Variants in EPHB2 observed in about 807,000 individuals in gnomAD.
EPHB2 encodes EPH receptor B2.
Under a neutral mutation model 96.4 loss-of-function variants are expected in EPHB2, and 18 were observed. The ratio of observed to expected loss-of-function variants is 0.19; its 90% CI spans 0.13 to 0.28. The LOEUF is 0.28. Ranked by LOEUF, EPHB2 falls within the 10% of genes least tolerant of loss-of-function variation. The pLI, the probability that EPHB2 is intolerant of heterozygous loss-of-function variation, is 1.00. For synonymous variants in EPHB2, 506 were observed against 534.1 expected (o/e 0.95, Z 0.72); for missense variants, 989 against 1,355.4 (o/e 0.73, Z 4.25).
chr1:22,781,509 T>A (rs200264749), intron 2 of EPHB2, 24 bp downstream of exon 2: 144 of 1,613,002 alleles, frequency 8.9e-5, no homozygotes, highest in Non-Finnish European at 1.2e-4. Flanking sequence ...CCCCAAACCT[T>A]GCATTGGTCC....
Position 22,802,263 on chromosome 1 carries a change from A to C in EPHB2, c.811+17187A>C, listed in dbSNP as rs554879959. Among the ~76,000 whole-genome samples the C allele has an allele frequency of 1.1e-4, 17 of 152,062 alleles. No homozygotes were observed. In the East Asian group the frequency reaches 3.1e-3, roughly 28 times the overall value. ...TCCCCATTTGAGGGTTGGAGGGTAGAGCTGGCAGCCAAGCTCAGCTGTGTC... is the reference window on the plus strand; with the variant it reads ...TCCCCATTTGAGGGTTGGAGGGTAGCGCTGGCAGCCAAGCTCAGCTGTGTC... On this transcript the variant is annotated intron_variant, in intron 3 of 15. Transcript: ENST00000374630.
chr1:22,879,805 A>C (rs7521053), intron 5 of EPHB2, among the ~76,000 whole-genome samples: 1,912 of 152,332 alleles, frequency 0.013, 40 homozygotes, highest in African/African-American at 0.044. Flanking sequence ...CTGAGCACAC[A>C]ACCAGACCCC....
intron 1 of EPHB2, among the ~76,000 whole-genome samples, chr1:22,775,677 C>T (rs564746256): frequency 1.8e-3 from 275 of 152,346 alleles, no homozygotes; most frequent in Non-Finnish European, 3.3e-3. Flanking sequence ...CTCCCCAGCC[C>T]GGCAGTCAGG....
chr1:22,797,406 C>T (rs958456457), intron 3 of EPHB2, among the ~76,000 whole-genome samples: 1 of 152,140 alleles, frequency 6.6e-6, no homozygotes, highest in African/African-American at 2.4e-5. Context: ...CTCACTGGCT[C>T]CCAGGGTCCC....
At chr1:22,782,719 TGAA>T (rs1274289501) in intron 2 of EPHB2, among the ~76,000 whole-genome samples, 1 of 152,090 alleles carries the variant, frequency 6.6e-6, no homozygotes, top group Admixed American at 6.5e-5. Context: ...AATTAAGTTC[TGAA>T]GAAGAGCAGC....
chr1:22,764,836 CCTGGGTTCTG>C (rs1474352427), intron 1 of EPHB2, among the ~76,000 whole-genome samples: 1 of 152,212 alleles, frequency 6.6e-6, no homozygotes, highest in Non-Finnish European at 1.5e-5. Context: ...GGACCTAACA[CCTGGGTTCTG>C]CTGCCAGGTT....
intron 3 of EPHB2, among the ~76,000 whole-genome samples, chr1:22,837,456 G>A (rs1400479435): frequency 1.3e-5 from 2 of 152,142 alleles, no homozygotes; most frequent in African/African-American, 4.8e-5. Context: ...GAGTGTAGGT[G>A]GGAGAGATAA....
At chr1:22,848,117 G>A (rs1251307398) in intron 3 of EPHB2, among the ~76,000 whole-genome samples, 2 of 152,172 alleles carry the variant, frequency 1.3e-5, no homozygotes, top group African/African-American at 4.8e-5. Context: ...CAAATCAAGG[G>A]CAGGCCCTCA....
At chr1:22,912,390 C>T (rs535690620) in intron 14 of EPHB2, 54 bp from the exon 15 acceptor site, 22 of 1,610,992 alleles carry the variant, frequency 1.4e-5, no homozygotes, top group Admixed American at 1.0e-4. Context: ...TGTCCCTGCA[C>T]GCTCCCTGCA....
Position 22,906,130 on chromosome 1 carries a change from C to T in EPHB2, c.1888+21C>T, listed in dbSNP as rs1326989551. ...AGCAGGTAGGTGGCTGGTACTCTCACATGTACTATGACCTTAGCCATGGCT... is the reference window on the plus strand; with the variant it reads ...AGCAGGTAGGTGGCTGGTACTCTCATATGTACTATGACCTTAGCCATGGCT... On this transcript the variant is annotated intron_variant, in intron 10 of 15. Coordinates refer to ENST00000374630, the MANE Select transcript of EPHB2 (RefSeq NM_017449.5). This position sits in a 1 kb window ranked among gnomAD's most constrained non-coding sequence, Gnocchi z 4.8. 1.5e-5 allele frequency: 24 copies of T among 1,614,030 alleles called. No homozygotes were observed. Among genetic ancestry groups the T allele is most frequent in the Non-Finnish European group, 2.0e-5 (24 of 1,180,034 alleles).
Position 22,784,420 on chromosome 1 carries a change from A to G in EPHB2, c.155A>G (p.Asn52Ser). 1 of 1,614,194 alleles carries G rather than the reference A, an allele frequency of 6.2e-7. No homozygotes were observed. Among genetic ancestry groups the G allele is most frequent in the Non-Finnish European group, 8.5e-7 (1 of 1,180,046 alleles). ...GWEEVSGYDE[N>S]MNTIRTYQVC... is the part of the protein sequence containing the mutation. ...GAAGAGGTGAGTGGCTACGATGAGAACATGAACACGATCCGCACGTACCAG... is the reference window on the plus strand; with the variant it reads ...GAAGAGGTGAGTGGCTACGATGAGAGCATGAACACGATCCGCACGTACCAG... Residue 52 changes from asparagine to serine, a missense_variant, in exon 3 of 16, where the codon AAC (asparagine) becomes AGC (serine). Asn to Ser is a conservative substitution (Grantham distance 46). Transcript: ENST00000374630. The surrounding 1 kb of genome is among the most constrained non-coding windows in gnomAD (Gnocchi z 5.1).
chr1:22,840,571 G>T (rs907920400), intron 3 of EPHB2, among the ~76,000 whole-genome samples: 1 of 152,090 alleles, frequency 6.6e-6, no homozygotes, highest in African/African-American at 2.4e-5. Context: ...AGCGATTCTC[G>T]TGCCTCAGCC....
chr1:22,748,437 A>C (rs1644009181), intron 1 of EPHB2, among the ~76,000 whole-genome samples: 1 of 149,484 alleles, frequency 6.7e-6, no homozygotes, highest in Admixed American at 6.7e-5. Flanking sequence ...GCTGGAGTGC[A>C]GTGGCGTGAT....
At chr1:22,881,125 G>A (rs1639030727) in intron 5 of EPHB2, among the ~76,000 whole-genome samples, 2 of 152,106 alleles carry the variant, frequency 1.3e-5, no homozygotes, top group South Asian at 4.1e-4. Flanking sequence ...ATTACACCAG[G>A]CACAGTGTCT....
At chr1:22,775,265 T>G (rs201228583) in intron 1 of EPHB2, 27 of 779,696 alleles carry the variant, frequency 3.5e-5, no homozygotes, top group Non-Finnish European at 6.5e-5. Flanking sequence ...CTGTCTGGCC[T>G]CAGTTTCCTC....
At chr1:22,812,375 G>A (rs1294253344) in intron 3 of EPHB2, among the ~76,000 whole-genome samples, 1 of 152,246 alleles carries the variant, frequency 6.6e-6, no homozygotes, top group Non-Finnish European at 1.5e-5. Context: ...TGATGTCAGT[G>A]AAATCATGGA....
At chr1:22,743,688 G>C (rs1281674871) in intron 1 of EPHB2, among the ~76,000 whole-genome samples, 1 of 152,136 alleles carries the variant, frequency 6.6e-6, no homozygotes, top group Non-Finnish European at 1.5e-5. Context: ...GGCCAGGCTG[G>C]TCTCAAACTC....
Position 22,907,977 on chromosome 1 carries a change from A to T in EPHB2, c.2161A>T (p.Ile721Phe), listed in dbSNP as rs1451810268. Residue 721 changes from isoleucine to phenylalanine, a missense_variant, in exon 12 of 16, where the codon ATC becomes TTC. Ile to Phe is a conservative substitution (Grantham distance 21). Coordinates refer to ENST00000374630, the MANE Select transcript of EPHB2 (RefSeq NM_017449.5). ...GCAAAACGATGGGCAGTTCACAGTC[A>T]TCCAGCTGGTGGGCATGCTTCGGGG... ...LRQNDGQFTV[I>F]QLVGMLRGIA... The T allele has an allele frequency of 6.2e-7, 1 of 1,614,252 alleles. No homozygotes were observed. Among genetic ancestry groups the T allele is most frequent in the East Asian group, 2.2e-5 (1 of 44,886 alleles).
chr1:22,729,575 C>G (rs1054930521), intron 1 of EPHB2, among the ~76,000 whole-genome samples: 1 of 152,156 alleles, frequency 6.6e-6, no homozygotes, highest in Admixed American at 6.5e-5. Flanking sequence ...CTTGCAATTC[C>G]TAGACTCTTC....
Sources: gnomAD v4.1 joint callset for allele counts (sites outside exome capture counted in the v4.1 genomes callset) on GRCh38, gnomAD v4.1.1 for gene constraint, Gnocchi (gnomAD v3.1) non-coding constraint, MANE v1.5 for transcripts, NCBI Gene and HGNC (gene_info 2026-07-23, HGNC 2026-07-21) for gene names.